Variants in SDK2 observed in about 807,000 individuals in gnomAD.
The protein encoded by SDK2 is sidekick cell adhesion molecule 2.
SDK2 carries 105 observed loss-of-function variants against 253.9 expected under a neutral mutation model. The observed-to-expected ratio is 0.41, with a 90% CI of 0.35 to 0.49. The LOEUF is 0.49. Ranked by LOEUF, SDK2 falls within the 20% of genes least tolerant of loss-of-function variation. SDK2 has a pLI of 0.06. For synonymous variants in SDK2, 1,249 were observed against 1,234.9 expected, an observed-to-expected ratio of 1.01 and a Z score of -0.24; for missense variants, 2,608 against 3,003.0, an observed-to-expected ratio of 0.87 and a Z score of 3.07.
chr17:73,634,839 C>T (rs557197047), intron 1 of SDK2, among the ~76,000 whole-genome samples: 2 of 152,280 alleles, frequency 1.3e-5, no homozygotes, highest in East Asian at 1.9e-4. Context: ...TAGCACAGCT[C>T]GTTAAACCCT....
intron 18 of SDK2, among the ~76,000 whole-genome samples, chr17:73,411,048 G>A (rs923135751): frequency 4.6e-5 from 7 of 152,150 alleles, no homozygotes; most frequent in African/African-American, 1.4e-4. Context: ...CAGCAATGCC[G>A]GCCTCCCCTT....
chr17:73,550,112 C>T (rs550699701), intron 1 of SDK2, among the ~76,000 whole-genome samples: 9 of 152,318 alleles, frequency 5.9e-5, no homozygotes, highest in African/African-American at 1.9e-4. Flanking sequence ...TGCCCCTTTC[C>T]TGCATGGCAG....
At chr17:73,353,433 G>T (rs532048004) in intron 40 of SDK2, among the ~76,000 whole-genome samples, 8 of 152,158 alleles carry the variant, frequency 5.3e-5, no homozygotes, top group African/African-American at 1.7e-4. Context: ...TTTTTTCTTT[G>T]TTTCGAGACA....
At position 73,401,965 on chromosome 17, in the gene SDK2, C is replaced by T. The variant is rs2063031488; in HGVS notation, c.2661G>A (p.Leu887=). Residue 887 remains leucine, a synonymous_variant, in exon 19 of 45, where the codon CTG becomes CTA. Transcript: ENST00000392650. ...PGDGPRSTPQ[L]VRTHEDVPGP... ...GCCTACCATCCTCATGGGTGCGCACCAGCTGCGGGGTGCTGCGTGGCCCGT... is the reference window on the plus strand; with the variant it reads ...GCCTACCATCCTCATGGGTGCGCACTAGCTGCGGGGTGCTGCGTGGCCCGT... 5.0e-6 allele frequency: 8 copies of T among 1,611,114 alleles called. No individual in the cohort carries two copies. The highest frequency in any genetic ancestry group is 6.8e-6 in the Non-Finnish European group (8 of 1,178,714).
At chr17:73,617,440 A>AC (rs762664152) in intron 1 of SDK2, among the ~76,000 whole-genome samples, 1 of 151,882 alleles carries the variant, frequency 6.6e-6, no homozygotes, top group Non-Finnish European at 1.5e-5. Context: ...GAACCCAGAG[A>AC]CCCCCAGGGG....
intron 2 of SDK2, among the ~76,000 whole-genome samples, chr17:73,491,476 G>A (rs754642233): frequency 6.6e-6 from 1 of 151,380 alleles, no homozygotes; most frequent in Non-Finnish European, 1.5e-5. Flanking sequence ...GGGCTCCAGC[G>A]ATCCTCCCAC....
chr17:73,431,767 C>T lies in SDK2; in HGVS notation c.1313-98G>A, dbSNP rs2063328261. The stretch of plus-strand genomic sequence containing the variant: ...GGGCAGCATGGTCCCCCCACAGGCC[C>T]CTGGCTCTGGAAATGCTGGAAGGAA... On this transcript the variant is annotated intron_variant, in intron 10 of 44. Coordinates refer to ENST00000392650, the MANE Select transcript of SDK2 (RefSeq NM_001144952.2). This position sits in a 1 kb window ranked among gnomAD's most constrained non-coding sequence, Gnocchi z 5.6. The T allele has an allele frequency of 7.8e-7, 1 of 1,281,296 alleles. No individual in the cohort carries two copies. The highest frequency in any genetic ancestry group is 2.9e-5 in the Admixed American group (1 of 34,342). The allele number at this position is 1,281,296 out of a possible 1,614,324, so 79.4% of individuals were successfully genotyped here.
intron 1 of SDK2, among the ~76,000 whole-genome samples, chr17:73,602,761 G>C (rs2045858471): frequency 6.6e-6 from 1 of 151,882 alleles, no homozygotes; most frequent in Admixed American, 6.6e-5. Context: ...GAGTCTCACT[G>C]TGTCACTCAG....
Position 73,352,855 on chromosome 17 carries a change from G to T in SDK2, c.5594-218C>A, listed in dbSNP as rs1411037357. ...GCCTGTAATTCCAGCACTTTGAGAG[G>T]CCGAGGTGGGTGGATCACCTGAGGT... On this transcript the variant is annotated intron_variant, in intron 40 of 44. Coordinates refer to ENST00000392650, the MANE Select transcript of SDK2 (RefSeq NM_001144952.2). The surrounding 1 kb of genome is among the most constrained non-coding windows in gnomAD (Gnocchi z 4.1). Among the ~76,000 whole-genome samples, 1 of 152,244 alleles carries T rather than the reference G, an allele frequency of 6.6e-6. No homozygotes were observed. The highest frequency in any genetic ancestry group is 1.5e-5 in the Non-Finnish European group (1 of 68,042).
At chr17:73,509,643 A>AG (rs1177197047) in intron 1 of SDK2, among the ~76,000 whole-genome samples, 4 of 151,342 alleles carry the variant, frequency 2.6e-5, no homozygotes, top group Non-Finnish European at 5.9e-5. Flanking sequence ...AAAAAAAAAA[A>AG]AAGAAGGAAA....
chr17:73,594,862 A>G (rs904272905), intron 1 of SDK2, among the ~76,000 whole-genome samples: 1 of 151,878 alleles, frequency 6.6e-6, no homozygotes, highest in Non-Finnish European at 1.5e-5. Flanking sequence ...ACACATGCAA[A>G]TACACACAGC....
At chr17:73,488,814 C>T (rs1422580126) in intron 2 of SDK2, among the ~76,000 whole-genome samples, 2 of 152,102 alleles carry the variant, frequency 1.3e-5, no homozygotes, top group South Asian at 2.1e-4. Flanking sequence ...TAATGTGTTG[C>T]TAATGAAGTT....
intron 1 of SDK2, among the ~76,000 whole-genome samples, chr17:73,587,871 T>G (rs2045623376): frequency 6.6e-6 from 1 of 152,196 alleles, no homozygotes; most frequent in Admixed American, 6.5e-5. Flanking sequence ...AATCTTGAAG[T>G]CTGTTTACAA....
rs765291136 is a variant in SDK2 at position 73,424,002 on chromosome 17, C to T, written c.1674G>A (p.Gln558=). The change falls in exon 13 of 45, where the codon CAG becomes CAA. Residue 558 remains glutamine, a synonymous_variant. Transcript: ENST00000392650. ...LDRNGSLHIS[Q]TWSGDIGTYT... is the part of the protein sequence containing the mutation. ...ACGTGCCGATGTCTCCCGACCACGT[C>T]TGTGAGATGTGCAGGGAGCCGTTTC... The T allele has an allele frequency of 1.9e-6, 3 of 1,611,968 alleles. No homozygotes were observed. Among genetic ancestry groups the T allele is most frequent in the South Asian group, 1.1e-5 (1 of 90,574 alleles).
At chr17:73,461,364 C>T (rs550903021) in intron 3 of SDK2, among the ~76,000 whole-genome samples, 14 of 152,338 alleles carry the variant, frequency 9.2e-5, no homozygotes, top group African/African-American at 3.4e-4. Flanking sequence ...TAAATCAACC[C>T]AAAAGCAAAC....
chr17:73,456,061 C>T lies in SDK2; in HGVS notation c.332-8G>A, dbSNP rs746350444. 5.4e-6 allele frequency: 8 copies of T among 1,478,424 alleles called. No homozygotes were observed. Among genetic ancestry groups the T allele is most frequent in the Non-Finnish European group, 6.3e-6 (7 of 1,106,414 alleles). The allele number at this position is 1,478,424 out of a possible 1,614,324, so 91.6% of individuals were successfully genotyped here. A position where few individuals can be genotyped will look rare whatever the true frequency, so the allele number is the denominator to read the frequency against. ...CCTCAAAGCTCCCCATGTCTGCAGC[C>T]GGGACAACGGCAGTAGGATCAGGGG... is the stretch of plus-strand genomic sequence containing the variant. On this transcript the variant is annotated splice_polypyrimidine_tract_variant and splice_region_variant and intron_variant, in intron 3 of 44. Transcript: ENST00000392650.
intron 1 of SDK2, among the ~76,000 whole-genome samples, chr17:73,620,217 A>T (rs1237640429): frequency 6.6e-6 from 1 of 151,040 alleles, no homozygotes; most frequent in African/African-American, 2.4e-5. Flanking sequence ...AAAAAAAGAC[A>T]ATGGACTTGA....
intron 32 of SDK2, among the ~76,000 whole-genome samples, chr17:73,384,329 T>TTAG (rs532008085): frequency 6.7e-4 from 102 of 152,224 alleles, no homozygotes; most frequent in African/African-American, 2.3e-3. Context: ...ACACAGCTGT[T>TTAG]TTCCTAGAGC....
At chr17:73,450,872 G>T (rs2063485918) in intron 4 of SDK2, among the ~76,000 whole-genome samples, 1 of 152,228 alleles carries the variant, frequency 6.6e-6, no homozygotes, top group African/African-American at 2.4e-5. Flanking sequence ...TCAGGCCCCA[G>T]ATGTCAAGAG....
Sources: gnomAD v4.1 joint callset for allele counts (sites outside exome capture counted in the v4.1 genomes callset) on GRCh38, gnomAD v4.1.1 for gene constraint, Gnocchi (gnomAD v3.1) non-coding constraint, MANE v1.5 for transcripts, NCBI Gene and HGNC (gene_info 2026-07-23, HGNC 2026-07-21) for gene names.